PEX14: variants seen among roughly 807,000 people sequenced by gnomAD.
The protein encoded by PEX14 is peroxisomal membrane protein PEX14.
In PEX14, 15 loss-of-function variants were observed where a neutral mutation model predicts 49.5. The ratio of observed to expected loss-of-function variants is 0.30; its 90% CI spans 0.20 to 0.47. The LOEUF is 0.47. Among genes scored for constraint, PEX14 ranks in the 20% least tolerant of loss-of-function variants. The probability of loss-of-function intolerance (pLI) is 1.00; values close to 1 mark genes in which losing one functional copy is unlikely to be tolerated. For missense variants in PEX14, 398 were observed against 494.8 expected (o/e 0.80, Z 1.86); for synonymous variants, 210 against 212.7 (o/e 0.99, Z 0.11).
chr1:10,512,793 G>T lies in PEX14; in HGVS notation c.84+17472G>T, dbSNP rs955375827. On this transcript the variant is annotated intron_variant, in intron 2 of 8. Coordinates refer to ENST00000356607, the MANE Select transcript of PEX14 (RefSeq NM_004565.3). This position sits in a 1 kb window ranked among gnomAD's most constrained non-coding sequence, Gnocchi z 4.6. ...GGCTCACTGCAACCTCCGCCTCACG[G>T]GTTCAAGCGATTCCCTGCCTCAGCC... Among the ~76,000 whole-genome samples, 23 of 152,242 alleles carry T rather than the reference G, an allele frequency of 1.5e-4. No homozygotes were observed. The highest frequency in any genetic ancestry group is 5.5e-4 in the African/African-American group (23 of 41,534).
intron 4 of PEX14, among the ~76,000 whole-genome samples, chr1:10,605,975 G>A (rs888527845): frequency 1.3e-5 from 2 of 152,198 alleles, no homozygotes; most frequent in Non-Finnish European, 2.9e-5. Context: ...AGTATCACGG[G>A]AAGGAACCGA....
At chr1:10,488,769 C>T (rs1641417754) in intron 1 of PEX14, among the ~76,000 whole-genome samples, 1 of 152,156 alleles carries the variant, frequency 6.6e-6, no homozygotes, top group South Asian at 2.1e-4. Context: ...TCCCAAAGTG[C>T]TGGGATTACA....
At chr1:10,616,815 G>A (rs932161318) in intron 4 of PEX14, 9 of 152,106 alleles carry the variant, frequency 5.9e-5, no homozygotes, top group African/African-American at 1.9e-4. Flanking sequence ...ACTTTGCTAT[G>A]TGCCGTTCTA....
intron 2 of PEX14, among the ~76,000 whole-genome samples, chr1:10,497,487 A>G (rs660725): frequency 0.66 from 100,448 of 152,130 alleles, 33,581 homozygotes; most frequent in East Asian, 0.8. Context: ...CAATTGAGGA[A>G]TAAAACTAAA....
rs150247536 is a variant in PEX14 at position 10,555,682 on chromosome 1, G to A, written c.169+19385G>A. On this transcript the variant is annotated intron_variant, in intron 3 of 8. Coordinates refer to ENST00000356607, the MANE Select transcript of PEX14 (RefSeq NM_004565.3). ...GTGTGTGTGTGCATGCACCCGTGAG[G>A]GTGAGGGGCCGCAGTGCCTGTGTTT... Among the ~76,000 whole-genome samples, 30 of 143,776 alleles carry A rather than the reference G, an allele frequency of 2.1e-4. No individual in the cohort carries two copies. The East Asian group carries it at 5.9e-3, about 28-fold the overall frequency. 94.3% of individuals were successfully genotyped at this position (143,776 alleles called of 152,430 possible). A position where few individuals can be genotyped will look rare whatever the true frequency, so the allele number is the denominator to read the frequency against.
intron 8 of PEX14, among the ~76,000 whole-genome samples, chr1:10,627,851 C>T (rs1197323459): frequency 1.3e-5 from 2 of 152,272 alleles, no homozygotes; most frequent in East Asian, 3.8e-4. Context: ...TCTGTAGCGA[C>T]AGCACATTGT....
At chr1:10,607,191 A>G (rs1348355937) in intron 4 of PEX14, among the ~76,000 whole-genome samples, 2 of 151,884 alleles carry the variant, frequency 1.3e-5, no homozygotes, top group African/African-American at 4.8e-5. Context: ...AGTGTTGCCG[A>G]GATTCACCCA....
intron 1 of PEX14, among the ~76,000 whole-genome samples, chr1:10,476,540 G>T (rs969552080): frequency 6.6e-6 from 1 of 152,066 alleles, no homozygotes; most frequent in Non-Finnish European, 1.5e-5. Context: ...TCTCTCTGTC[G>T]CCCATGCTGG....
chr1:10,572,660 G>A (rs913972357), intron 3 of PEX14, among the ~76,000 whole-genome samples: 3 of 148,998 alleles, frequency 2.0e-5, no homozygotes, highest in Non-Finnish European at 3.0e-5. Flanking sequence ...TTAGCCTCCC[G>A]AGTAGCTGGG....
intron 3 of PEX14, among the ~76,000 whole-genome samples, chr1:10,563,818 A>G (rs1639724923): frequency 6.6e-6 from 1 of 151,428 alleles, no homozygotes; most frequent in African/African-American, 2.4e-5. Context: ...AGGCTGAGGC[A>G]GGAGAATGGC....
In PEX14 at chr1:10,623,926, T is replaced by A. The variant is rs1235988668; in HGVS notation, c.488-414T>A. 6.6e-6 allele frequency among the ~76,000 whole-genome samples: 1 copy of A among 152,120 alleles called. No homozygotes were observed. The highest frequency in any genetic ancestry group is 2.4e-5 in the African/African-American group (1 of 41,422). ...AAACAGGACGTGCGGCTTGAGCCACTCCTGGATGTGAATGTGGCGGGGACC... is the reference window on the plus strand; with the variant it reads ...AAACAGGACGTGCGGCTTGAGCCACACCTGGATGTGAATGTGGCGGGGACC... On this transcript the variant is annotated intron_variant, in intron 6 of 8. Coordinates refer to ENST00000356607, the MANE Select transcript of PEX14 (RefSeq NM_004565.3). The surrounding 1 kb of genome is among the most constrained non-coding windows in gnomAD (Gnocchi z 4.4).
rs1034614921 is a variant in PEX14, at chr1:10,545,772, G to A, written c.169+9475G>A. On this transcript the variant is annotated intron_variant, in intron 3 of 8. Coordinates refer to ENST00000356607, the MANE Select transcript of PEX14 (RefSeq NM_004565.3). ...AATTAAATGAAAATTGGCTGGGTGC[G>A]GTGGCTCAAGCCTGTAATCCCAACA... 1.6e-4 allele frequency among the ~76,000 whole-genome samples: 25 copies of A among 152,180 alleles called. 1 individual carries two copies. Among genetic ancestry groups the A allele is most frequent in the Non-Finnish European group, 7.4e-5 (5 of 67,990 alleles).
rs1638793043 is a variant in PEX14, at chr1:10,536,045, A to G, written c.85-168A>G. The G allele has an allele frequency of 1.4e-5, 9 of 644,978 alleles. 1 individual carries two copies. Among genetic ancestry groups the G allele is most frequent in the South Asian group, 1.4e-4 (8 of 58,968 alleles). 40.0% of individuals were successfully genotyped at this position (644,978 alleles called of 1,614,324 possible). A position where few individuals can be genotyped will look rare whatever the true frequency, so the allele number is the denominator to read the frequency against. On this transcript the variant is annotated intron_variant, in intron 2 of 8. Coordinates refer to ENST00000356607, the MANE Select transcript of PEX14 (RefSeq NM_004565.3). ...AAGCCAGTGAAGACAGGGAAACAAC[A>G]TCGCCTTTCATTTAGGTAGATTTTA...
At chr1:10,565,474 C>T (rs1639776547) in intron 3 of PEX14, among the ~76,000 whole-genome samples, 1 of 152,112 alleles carries the variant, frequency 6.6e-6, no homozygotes, top group African/African-American at 2.4e-5. Flanking sequence ...GTGGGGTGAA[C>T]CCTAATTTTT....
chr1:10,606,934 A>G (rs1641143207), intron 4 of PEX14, among the ~76,000 whole-genome samples: 1 of 152,232 alleles, frequency 6.6e-6, no homozygotes, highest in African/African-American at 2.4e-5. Context: ...TTGAGTTTTG[A>G]TAAGTGTACA....
At chr1:10,477,426 G>A (rs1377728061) in intron 1 of PEX14, among the ~76,000 whole-genome samples, 1 of 152,168 alleles carries the variant, frequency 6.6e-6, no homozygotes, top group Non-Finnish European at 1.5e-5. Context: ...GCAAATGCAC[G>A]CTTTTTGAAT....
chr1:10,611,272 A>T (rs1450277432), intron 4 of PEX14, among the ~76,000 whole-genome samples: 2 of 152,138 alleles, frequency 1.3e-5, no homozygotes, highest in Non-Finnish European at 2.9e-5. Flanking sequence ...CCCCACCGAA[A>T]TAAAAAAAAA....
chr1:10,492,585 G>A (rs2124396738), intron 1 of PEX14, among the ~76,000 whole-genome samples: 1 of 152,328 alleles, frequency 6.6e-6, no homozygotes, highest in East Asian at 1.9e-4. Flanking sequence ...AGAATTAAAG[G>A]AGGAAAGAGC....
intron 1 of PEX14, among the ~76,000 whole-genome samples, chr1:10,491,366 A>G (rs1415156670): frequency 2.0e-5 from 3 of 152,108 alleles, no homozygotes; most frequent in African/African-American, 7.2e-5. Context: ...CATGGTAGGA[A>G]TATGCATACA....
Sources: gnomAD v4.1 joint callset for allele counts (sites outside exome capture counted in the v4.1 genomes callset) on GRCh38, gnomAD v4.1.1 for gene constraint, Gnocchi (gnomAD v3.1) non-coding constraint, MANE v1.5 for transcripts, NCBI Gene and HGNC (gene_info 2026-07-23, HGNC 2026-07-21) for gene names.